Variants in COL21A1 observed in about 807,000 individuals in gnomAD.
The protein encoded by COL21A1 is collagen alpha-1(XXI) chain.
COL21A1 carries 149 observed loss-of-function variants against 137.9 expected under a neutral mutation model. The observed-to-expected ratio is 1.08, with a 90% CI of 0.95 to 1.24. COL21A1 has a LOEUF of 1.24. Ranked by LOEUF, COL21A1 falls within the 50% of genes most tolerant of loss-of-function variation. The pLI is 0.00. For synonymous variants in COL21A1, 456 were observed against 391.5 expected, an observed-to-expected ratio of 1.16 and a Z score of -1.95; for missense variants, 1,167 against 1,158.4, an observed-to-expected ratio of 1.01 and a Z score of -0.11.
In COL21A1 at chr6:56,363,093, C is replaced by T. The variant is rs146842282; in HGVS notation, c.-39+30878G>A. ...AATGTTTGACATCTGTTATGCACAG[C>T]CTTCAAAATGAGTGTCCTACATATG... On this transcript the variant is annotated intron_variant, in intron 1 of 28. Transcript: ENST00000370819. Among the ~76,000 whole-genome samples the T allele has an allele frequency of 7.2e-5, 11 of 152,270 alleles. No individual in the cohort carries two copies. In the East Asian group the frequency reaches 1.9e-3, roughly 27 times the overall value.
intron 1 of COL21A1, among the ~76,000 whole-genome samples, chr6:56,199,651 C>T (rs1053180101): frequency 2.0e-5 from 3 of 152,030 alleles, no homozygotes; most frequent in Non-Finnish European, 2.9e-5. Context: ...TTTGAGAAAA[C>T]TTTGGTTTAT....
chr6:56,176,860 A>T (rs1777509611), intron 3 of COL21A1, among the ~76,000 whole-genome samples: 1 of 135,448 alleles, frequency 7.4e-6, no homozygotes, highest in Non-Finnish European at 1.6e-5. Context: ...ATGAAGGGAG[A>T]GGAAAGGGGA....
chr6:56,246,883 G>A (rs1668853772), intron 1 of COL21A1, among the ~76,000 whole-genome samples: 1 of 150,264 alleles, frequency 6.7e-6, no homozygotes, highest in Non-Finnish European at 1.5e-5. Flanking sequence ...CCCACCCCCA[G>A]AGATTCTGAG....
At chr6:56,387,556 AC>A (rs1268895569) in intron 1 of COL21A1, among the ~76,000 whole-genome samples, 1 of 151,996 alleles carries the variant, frequency 6.6e-6, no homozygotes, top group South Asian at 2.1e-4. Context: ...TGCCTACACC[AC>A]CCCTCTCCCA....
intron 1 of COL21A1, among the ~76,000 whole-genome samples, chr6:56,278,106 T>G (rs749051091): frequency 6.6e-6 from 1 of 152,222 alleles, no homozygotes. Context: ...TGGAATTGTT[T>G]CTGTATATTT....
intron 1 of COL21A1, among the ~76,000 whole-genome samples, chr6:56,346,280 T>C (rs1489425005): frequency 6.6e-6 from 1 of 152,214 alleles, no homozygotes; most frequent in Non-Finnish European, 1.5e-5. Context: ...TGTACATTGG[T>C]TTGTCTATTG....
chr6:56,228,246 G>C (rs904374360), intron 1 of COL21A1, among the ~76,000 whole-genome samples: 1 of 151,896 alleles, frequency 6.6e-6, no homozygotes, highest in African/African-American at 2.4e-5. Context: ...GGCAGCAGTA[G>C]GGAGAATGGT....
At chr6:56,088,807 G>A (rs920299622) in intron 17 of COL21A1, among the ~76,000 whole-genome samples, 4 of 152,122 alleles carry the variant, frequency 2.6e-5, no homozygotes, top group African/African-American at 4.8e-5. Flanking sequence ...CTTTGAGATA[G>A]TGTCTCACTC....
intron 16 of COL21A1, among the ~76,000 whole-genome samples, chr6:56,111,467 T>C (rs1315624829): frequency 6.6e-6 from 1 of 152,158 alleles, no homozygotes; most frequent in Non-Finnish European, 1.5e-5. Flanking sequence ...TTGACAAATA[T>C]ACCATAGTAA....
rs1248083249 is a variant in COL21A1 at position 56,161,651 on chromosome 6, A to C, written c.1371+2772T>G. On this transcript the variant is annotated intron_variant, in intron 9 of 29. Coordinates refer to ENST00000244728, the MANE Select transcript of COL21A1 (RefSeq NM_030820.4). The stretch of plus-strand genomic sequence containing the variant: ...AATGATTCCAACGGATTCATTAATC[A>C]TTCCCTATGTTTATCATTAGGGATA... 2.6e-5 allele frequency among the ~76,000 whole-genome samples: 4 copies of C among 152,192 alleles called. No homozygotes were observed. In the East Asian group the frequency reaches 7.7e-4, roughly 29 times the overall value.
At chr6:56,306,350 C>T (rs902141946) in intron 1 of COL21A1, among the ~76,000 whole-genome samples, 10 of 151,718 alleles carry the variant, frequency 6.6e-5, no homozygotes, top group Middle Eastern at 3.4e-3. Context: ...CCATTCTCCC[C>T]GTCACTTTCA....
At chr6:56,181,209 G>A (rs1777864760) in intron 2 of COL21A1, among the ~76,000 whole-genome samples, 1 of 152,070 alleles carries the variant, frequency 6.6e-6, no homozygotes, top group African/African-American at 2.4e-5. Context: ...AAGGTGTAAG[G>A]GACACAATTC....
chr6:56,070,612 C>A, intron 21 of COL21A1, 133 bp downstream of exon 21: 3 of 558,402 alleles, frequency 5.4e-6, no homozygotes, highest in Non-Finnish European at 9.1e-6. Context: ...TTTCAGGTAC[C>A]TTAATTTCAT....
chr6:56,257,896 A>G (rs1763148988), intron 1 of COL21A1, among the ~76,000 whole-genome samples: 1 of 152,152 alleles, frequency 6.6e-6, no homozygotes, highest in African/African-American at 2.4e-5. Flanking sequence ...TATAATTAAA[A>G]TTTATGTTCA....
At position 56,180,100 on chromosome 6, in the gene COL21A1, A is replaced by G. The variant is rs1454568071; in HGVS notation, c.118T>C (p.Phe40Leu). ...ACACTATAAGAGCCATCTAAGATGAAAACTAAATCTGTCGGAGCAGTACGA... is the reference window on the plus strand; with the variant it reads ...ACACTATAAGAGCCATCTAAGATGAGAACTAAATCTGTCGGAGCAGTACGA... ...SCRTAPTDLV[F>L]ILDGSYSVGP... Residue 40 changes from phenylalanine (F) to leucine (L), a missense_variant, in exon 3 of 30, where the codon TTC becomes CTC. Physicochemically the swap from Phe to Leu is conservative, Grantham distance 22. Coordinates refer to ENST00000244728, the MANE Select transcript of COL21A1 (RefSeq NM_030820.4). The G allele has an allele frequency of 4.3e-6, 7 of 1,613,144 alleles. No homozygotes were observed. The highest frequency in any genetic ancestry group is 5.9e-6 in the Non-Finnish European group (7 of 1,179,614).
chr6:56,348,808 A>G (rs750576389), intron 1 of COL21A1, among the ~76,000 whole-genome samples: 1 of 152,236 alleles, frequency 6.6e-6, no homozygotes, highest in African/African-American at 2.4e-5. Context: ...ATCTTTCCCA[A>G]TCCTATATAA....
At chr6:56,193,922 C>A (rs749399139) in intron 1 of COL21A1, among the ~76,000 whole-genome samples, 1 of 151,826 alleles carries the variant, frequency 6.6e-6, no homozygotes, top group Non-Finnish European at 1.5e-5. Context: ...GCCCAGTTAA[C>A]TTTTGTATTT....
chr6:56,173,398 G>T (rs1407423075), intron 3 of COL21A1, among the ~76,000 whole-genome samples: 1 of 150,838 alleles, frequency 6.6e-6, no homozygotes, highest in East Asian at 1.9e-4. Flanking sequence ...AAGGGGAAGG[G>T]GAAGGAAGGG....
rs536953091 is a variant in COL21A1, at chr6:56,205,918, T to G, written c.-38-23262A>C. 3.9e-5 allele frequency among the ~76,000 whole-genome samples: 6 copies of G among 152,204 alleles called. No homozygotes were observed. The East Asian group carries it at 7.7e-4, about 20-fold the overall frequency. On this transcript the variant is annotated intron_variant, in intron 1 of 29. Transcript: ENST00000244728. ...AGTGAAAGAGAAATAAAATCCTTTA[T>G]AGACAAGCAAATGCTGAGAGATTTT... is the stretch of plus-strand genomic sequence containing the variant.
Sources: allele counts gnomAD v4.1 joint callset (sites outside exome capture counted in the v4.1 genomes callset), GRCh38; gene constraint gnomAD v4.1.1; transcripts MANE v1.5; gene names NCBI Gene and HGNC (gene_info 2026-07-23, HGNC 2026-07-21).